The following WSCD2 variants were observed in gnomAD, a reference collection of about 807,000 sequenced individuals.
WSCD2 encodes sialate:O-sulfotransferase 2.
A neutral mutation model predicts 55.7 loss-of-function variants in WSCD2; 28 were observed. That is an observed-to-expected ratio of 0.50 (90% confidence interval 0.37 to 0.69). The LOEUF is 0.69. WSCD2 is among the 30% of genes least tolerant of loss of function. WSCD2 has a pLI of 0.00. For missense variants in WSCD2, 616 were observed against 762.1 expected (o/e 0.81, Z 2.26); for synonymous variants, 301 against 301.9 (o/e 1.00, Z 0.03).
intron 1 of WSCD2, among the ~76,000 whole-genome samples, chr12:108,194,815 A>G (rs1425794658): frequency 6.6e-6 from 1 of 152,148 alleles, no homozygotes; most frequent in African/African-American, 2.4e-5. Context: ...AGTGCCTCAC[A>G]CAAAGTAGGT....
intron 8 of WSCD2, among the ~76,000 whole-genome samples, chr12:108,245,911 G>A (rs568215638): frequency 2.0e-5 from 3 of 152,336 alleles, no homozygotes; most frequent in African/African-American, 7.2e-5. Context: ...GATGTTCCAG[G>A]GGACTTGGTG....
At chr12:108,217,697 T>C (rs10861880) in intron 4 of WSCD2, among the ~76,000 whole-genome samples, 68,014 of 152,048 alleles carry the variant, frequency 0.45, 16,410 homozygotes, top group East Asian at 0.59. Flanking sequence ...ACCCAGGAGA[T>C]TAACTGCTCC....
At chr12:108,238,065 T>A (rs1482937163) in intron 7 of WSCD2, among the ~76,000 whole-genome samples, 1 of 152,258 alleles carries the variant, frequency 6.6e-6, no homozygotes, top group Non-Finnish European at 1.5e-5. Flanking sequence ...AAGCCCTTTG[T>A]CCATGTCATG....
intron 2 of WSCD2, among the ~76,000 whole-genome samples, chr12:108,200,266 T>A (rs4964654): frequency 0.34 from 51,441 of 151,816 alleles, 8,915 homozygotes; most frequent in East Asian, 0.61. Context: ...TATTTTCCTT[T>A]CAGCTTCATA....
chr12:108,135,386 C>G (rs1362359889), intron 1 of WSCD2, among the ~76,000 whole-genome samples: 2 of 152,206 alleles, frequency 1.3e-5, no homozygotes, highest in Non-Finnish European at 2.9e-5. Context: ...AGACTTTACC[C>G]TTTACTGGAA....
Position 108,234,842 on chromosome 12 carries a change from G to A in WSCD2, c.1144+1947G>A, listed in dbSNP as rs115744857. 5.1e-3 allele frequency among the ~76,000 whole-genome samples: 775 copies of A among 152,274 alleles called. 4 individuals carry two copies. Among genetic ancestry groups the A allele is most frequent in the African/African-American group, 0.018 (744 of 41,558 alleles). On this transcript the variant is annotated intron_variant, in intron 7 of 8. Transcript: ENST00000547525. ...TTATTTAGTTCAGGGATCAAAATTGGTTTCATCTAGTGTTGATTCCAATGA... is the reference window on the plus strand; with the variant it reads ...TTATTTAGTTCAGGGATCAAAATTGATTTCATCTAGTGTTGATTCCAATGA...
At chr12:108,146,452 T>C (rs1006766687) in intron 1 of WSCD2, among the ~76,000 whole-genome samples, 3 of 152,228 alleles carry the variant, frequency 2.0e-5, no homozygotes, top group Admixed American at 1.3e-4. Context: ...TAGCCCCTTT[T>C]CTCAGAACAT....
chr12:108,181,624 T>A (rs555211869), intron 1 of WSCD2, among the ~76,000 whole-genome samples: 1 of 152,320 alleles, frequency 6.6e-6, no homozygotes, highest in South Asian at 2.1e-4. Context: ...TTATTTGTTT[T>A]TAGAGACAGG....
Position 108,248,811 on chromosome 12 carries a change from C to G in WSCD2, c.*468C>G. ...TTCGCAGCCCCCTTCTCATCTCCAC[C>G]CAAGAAGTGCTGGCACCGATGTTTA... On this transcript the variant is annotated 3_prime_UTR_variant, in exon 9 of 9. Coordinates refer to ENST00000547525, the MANE Select transcript of WSCD2 (RefSeq NM_014653.4). This position sits in a 1 kb window ranked among gnomAD's most constrained non-coding sequence, Gnocchi z 4.3. The G allele has an allele frequency of 1.0e-6, 1 of 990,982 alleles. No individual in the cohort carries two copies. The highest frequency in any genetic ancestry group is 1.2e-6 in the Non-Finnish European group (1 of 832,772). The allele number at this position is 990,982 out of a possible 1,614,324, so 61.4% of individuals were successfully genotyped here. A position where few individuals can be genotyped will look rare whatever the true frequency, so the allele number is the denominator to read the frequency against.
At chr12:108,153,788 C>T (rs1592896435) in intron 1 of WSCD2, among the ~76,000 whole-genome samples, 2 of 152,096 alleles carry the variant, frequency 1.3e-5, no homozygotes, top group African/African-American at 2.4e-5. Context: ...CAGGGCCTCC[C>T]GTTGGCCAAA....
Position 108,146,513 on chromosome 12 carries a change from C to T in WSCD2, c.-552+16587C>T, listed in dbSNP as rs187468920. Among the ~76,000 whole-genome samples, 319 of 152,238 alleles carry T rather than the reference C, an allele frequency of 2.1e-3. 1 individual carries two copies. The highest frequency in any genetic ancestry group is 7.2e-3 in the African/African-American group (299 of 41,546). ...CAGAAAGTATTTTTAAAAGAAAATA[C>T]GAAAGAAAAAGAAAACTAAAACCTG... On this transcript the variant is annotated intron_variant, in intron 1 of 8. Coordinates refer to ENST00000547525, the MANE Select transcript of WSCD2 (RefSeq NM_014653.4).
chr12:108,147,563 C>G (rs1321086011), intron 1 of WSCD2, among the ~76,000 whole-genome samples: 1 of 152,132 alleles, frequency 6.6e-6, no homozygotes, highest in Non-Finnish European at 1.5e-5. Context: ...CTCATTTATT[C>G]TTCTAGACAC....
At chr12:108,140,327 CATA>C (rs1876660790) in intron 1 of WSCD2, among the ~76,000 whole-genome samples, 1 of 152,146 alleles carries the variant, frequency 6.6e-6, no homozygotes, top group South Asian at 2.1e-4. Flanking sequence ...CAGTTAGTAA[CATA>C]ATGATTGTGA....
intron 1 of WSCD2, among the ~76,000 whole-genome samples, chr12:108,157,429 T>C (rs1378534644): frequency 6.6e-6 from 1 of 152,192 alleles, no homozygotes; most frequent in Non-Finnish European, 1.5e-5. Flanking sequence ...ACCATTACAG[T>C]GTCCTACAGA....
chr12:108,174,664 G>T (rs1015931500), intron 1 of WSCD2, among the ~76,000 whole-genome samples: 1 of 151,972 alleles, frequency 6.6e-6, no homozygotes, highest in Admixed American at 6.5e-5. Flanking sequence ...GCCCAGGCTC[G>T]AGTGCAGTGG....
chr12:108,192,053 T>C (rs1883233803), intron 1 of WSCD2, among the ~76,000 whole-genome samples: 1 of 152,134 alleles, frequency 6.6e-6, no homozygotes. Context: ...GACCCAGAAA[T>C]ATCCTGAGAG....
chr12:108,217,137 C>T (rs1886933200), intron 4 of WSCD2, among the ~76,000 whole-genome samples: 1 of 152,240 alleles, frequency 6.6e-6, no homozygotes, highest in Non-Finnish European at 1.5e-5. Context: ...ATGAGAAAAA[C>T]TGAGGCTCAG....
intron 1 of WSCD2, among the ~76,000 whole-genome samples, chr12:108,131,170 C>G (rs938872373): frequency 6.6e-6 from 1 of 152,172 alleles, no homozygotes; most frequent in African/African-American, 2.4e-5. Flanking sequence ...TGCTTGATGT[C>G]CTGGAAAAAG....
chr12:108,224,771 AG>A lies in WSCD2; in HGVS notation c.717del (p.Arg239SerfsTer11). On this transcript the variant is annotated frameshift_variant, in exon 5 of 9. Coordinates refer to ENST00000547525, the MANE Select transcript of WSCD2 (RefSeq NM_014653.4). LOFTEE classifies it high-confidence loss of function. ...TGCAGTGTTCCGGGGCTGCTTCCGC[AG>A]GCCCGACAACCTTTCCCTGGCCTTA... ...GSAVFRGCFR[R>X]PDNLSLALPV... 1 of 1,613,454 alleles carries A rather than the reference AG, an allele frequency of 6.2e-7. No homozygotes were observed. The highest frequency in any genetic ancestry group is 1.1e-5 in the South Asian group (1 of 91,080).
Sources: gnomAD v4.1 joint callset for allele counts (sites outside exome capture counted in the v4.1 genomes callset) on GRCh38, gnomAD v4.1.1 for gene constraint, Gnocchi (gnomAD v3.1) non-coding constraint, MANE v1.5 for transcripts, NCBI Gene and HGNC (gene_info 2026-07-23, HGNC 2026-07-21) for gene names.